The following CACNA1B variants were observed in gnomAD, a reference collection of about 807,000 sequenced individuals.
CACNA1B encodes calcium voltage-gated channel subunit alpha1 B, also known as voltage-dependent N-type calcium channel subunit alpha-1B.
CACNA1B carries 70 observed loss-of-function variants against 247.2 expected under a neutral mutation model. The observed-to-expected ratio is 0.28, with a 90% CI of 0.23 to 0.35. CACNA1B has a LOEUF of 0.35. Ranked by LOEUF, CACNA1B falls within the 10% of genes least tolerant of loss-of-function variation. The pLI, the probability that CACNA1B is intolerant of heterozygous loss-of-function variation, is 1.00. For synonymous variants in CACNA1B, 1,231 were observed against 1,294.4 expected (o/e 0.95, Z 1.05); for missense variants, 2,367 against 3,197.4 (o/e 0.74, Z 6.26).
At chr9:137,901,353 G>A (rs1307031632) in intron 3 of CACNA1B, among the ~76,000 whole-genome samples, 1 of 151,590 alleles carries the variant, frequency 6.6e-6, no homozygotes, top group Non-Finnish European at 1.5e-5. Flanking sequence ...GTGTCCGTGT[G>A]TCTGTGTCTA....
chr9:138,068,161 A>G (rs1364558914), intron 31 of CACNA1B, among the ~76,000 whole-genome samples: 1 of 152,204 alleles, frequency 6.6e-6, no homozygotes, highest in African/African-American at 2.4e-5. Context: ...GGGACAGGCA[A>G]ACATAGAATG....
Position 138,025,834 on chromosome 9 carries a change from C to T in CACNA1B, c.3286+662C>T, listed in dbSNP as rs145695260. On this transcript the variant is annotated intron_variant, in intron 20 of 46. Coordinates refer to ENST00000371372, the MANE Select transcript of CACNA1B (RefSeq NM_000718.4). ...GCTGGTTACAAATACAGGCCCCTTA[C>T]GTGGTGGGGAAGGTGCATGGGCGTT... 1.6e-3 allele frequency among the ~76,000 whole-genome samples: 240 copies of T among 152,274 alleles called. 1 individual carries two copies. Among genetic ancestry groups the T allele is most frequent in the African/African-American group, 5.0e-3 (206 of 41,550 alleles).
At chr9:137,907,213 T>G (rs1418394687) in intron 3 of CACNA1B, among the ~76,000 whole-genome samples, 1 of 152,274 alleles carries the variant, frequency 6.6e-6, no homozygotes, top group Non-Finnish European at 1.5e-5. Context: ...CATGTTAACG[T>G]GCATAGGCTT....
chr9:138,053,993 G>A lies in CACNA1B; in HGVS notation c.3955G>A (p.Glu1319Lys), dbSNP rs768464282. The change falls in exon 26 of 47, where the codon GAG (glutamate) becomes AAG (lysine). Residue 1319 changes from glutamate to lysine, a missense_variant. This residue lies in a region of CACNA1B where 436 missense variants were observed against 679.5 expected (regional missense o/e 0.64). Coordinates refer to ENST00000371372, the MANE Select transcript of CACNA1B (RefSeq NM_000718.4). ...FYCTDESKEL[E>K]RDCRGQYLDY... ...CTGCACAGATGAATCCAAGGAGCTG[G>A]AGAGGGACTGCAGGTAAACTGAGGC... The A allele has an allele frequency of 1.4e-5, 22 of 1,613,844 alleles. No homozygotes were observed. Among genetic ancestry groups the A allele is most frequent in the Non-Finnish European group, 1.9e-5 (22 of 1,179,868 alleles).
chr9:138,047,855 T>G (rs1224149068), intron 23 of CACNA1B, among the ~76,000 whole-genome samples: 1 of 152,108 alleles, frequency 6.6e-6, no homozygotes, highest in Non-Finnish European at 1.5e-5. Flanking sequence ...GTTAGAAGAT[T>G]GTTGGAAGTG....
At chr9:137,912,721 G>A (rs917419358) in intron 3 of CACNA1B, among the ~76,000 whole-genome samples, 22 of 152,112 alleles carry the variant, frequency 1.4e-4, no homozygotes, top group African/African-American at 5.1e-4. Flanking sequence ...TGGTATATGG[G>A]GGTCGGTTCA....
chr9:137,987,335 G>A (rs1005763995), intron 15 of CACNA1B, among the ~76,000 whole-genome samples: 3 of 152,114 alleles, frequency 2.0e-5, no homozygotes, highest in African/African-American at 4.8e-5. Context: ...TCTCTACGAC[G>A]GAGACCTTGT....
In CACNA1B at chr9:138,020,346, T is replaced by C. The variant is rs957161615; in HGVS notation, c.2268-2665T>C. Among the ~76,000 whole-genome samples, 1 of 152,158 alleles carries C rather than the reference T, an allele frequency of 6.6e-6. No homozygotes were observed. The highest frequency in any genetic ancestry group is 1.5e-5 in the Non-Finnish European group (1 of 68,026). The stretch of plus-strand genomic sequence containing the variant: ...GGCCAGGACACAGGGGTGCCAGTCG[T>C]CCATGTGACTTCCTTAAAGAACCCT... On this transcript the variant is annotated intron_variant, in intron 18 of 46. Transcript: ENST00000371372. The surrounding 1 kb of genome is among the most constrained non-coding windows in gnomAD (Gnocchi z 4.1).
chr9:137,989,445 C>T (rs1288746072), intron 15 of CACNA1B, among the ~76,000 whole-genome samples: 1 of 152,072 alleles, frequency 6.6e-6, no homozygotes, highest in Non-Finnish European at 1.5e-5. Context: ...GTGGCCAGTG[C>T]CCCTTCCGAG....
In CACNA1B at chr9:138,011,036, T is replaced by C. The variant is rs1316349877; in HGVS notation, c.2160+959T>C. ...GCTGCAGCCTGAGCCTCCCTTTGCT[T>C]CTGCTCAGCCTTCTTACTCCCACGC... is the stretch of plus-strand genomic sequence containing the variant. On this transcript the variant is annotated intron_variant, in intron 17 of 46. Coordinates refer to ENST00000371372, the MANE Select transcript of CACNA1B (RefSeq NM_000718.4). This position sits in a 1 kb window ranked among gnomAD's most constrained non-coding sequence, Gnocchi z 4.2. 6.6e-6 allele frequency among the ~76,000 whole-genome samples: 1 copy of C among 152,176 alleles called. No individual in the cohort carries two copies. Among genetic ancestry groups the C allele is most frequent in the Non-Finnish European group, 1.5e-5 (1 of 68,028 alleles).
chr9:137,927,607 A>G (rs999637017), intron 6 of CACNA1B, among the ~76,000 whole-genome samples: 1 of 152,152 alleles, frequency 6.6e-6, no homozygotes, highest in Non-Finnish European at 1.5e-5. Context: ...ATCTCGATCT[A>G]TGTGCGTAGC....
At chr9:137,976,075 C>G in intron 12 of CACNA1B, 56 bp downstream of exon 12, 1 of 1,054,392 alleles carries the variant, frequency 9.5e-7, no homozygotes, top group Non-Finnish European at 1.5e-6. Flanking sequence ...CAGGTGCACA[C>G]AGCCCCCTCC....
intron 26 of CACNA1B, among the ~76,000 whole-genome samples, chr9:138,056,873 C>A (rs1959519049): frequency 6.6e-6 from 1 of 151,022 alleles, no homozygotes; most frequent in Non-Finnish European, 1.5e-5. Flanking sequence ...GCTTAATAGC[C>A]ATTTGTATAT....
Position 137,879,081 on chromosome 9 carries a change from C to T in CACNA1B, c.312C>T (p.Thr104=). 6.2e-7 allele frequency: 1 copy of T among 1,612,124 alleles called. No homozygotes were observed. ...WPPFEYMILA[T]IIANCIVLAL... is the part of the protein sequence containing the mutation. ...CATTCGAGTATATGATCCTGGCCAC[C>T]ATCATCGCCAACTGCATCGTGCTGG... Residue 104 remains threonine (T), a synonymous_variant, in exon 2 of 47, where the codon ACC becomes ACT. Coordinates refer to ENST00000371372, the MANE Select transcript of CACNA1B (RefSeq NM_000718.4).
intron 6 of CACNA1B, among the ~76,000 whole-genome samples, chr9:137,947,114 A>C (rs1305569862): frequency 1.3e-5 from 2 of 152,156 alleles, no homozygotes; most frequent in Admixed American, 1.3e-4. Flanking sequence ...GTTACACTCT[A>C]TGTAAATGAA....
At chr9:137,887,933 G>T (rs2133233862) in intron 3 of CACNA1B, among the ~76,000 whole-genome samples, 1 of 147,760 alleles carries the variant, frequency 6.8e-6, no homozygotes, top group South Asian at 2.3e-4. Context: ...GGCAGTCGGG[G>T]TGTAGTGTGT....
intron 20 of CACNA1B, among the ~76,000 whole-genome samples, chr9:138,032,032 TTTC>T (rs1564248507): frequency 2.0e-5 from 3 of 152,158 alleles, no homozygotes. Flanking sequence ...TGTTATTTTA[TTTC>T]TTATTTTGTT....
intron 6 of CACNA1B, among the ~76,000 whole-genome samples, chr9:137,939,734 C>T (rs764579395): frequency 5.3e-5 from 8 of 151,570 alleles, no homozygotes; most frequent in African/African-American, 9.7e-5. Flanking sequence ...ACCCGGGAGG[C>T]GGAGCTTGCA....
intron 3 of CACNA1B, among the ~76,000 whole-genome samples, chr9:137,912,963 G>C (rs1957374086): frequency 6.6e-6 from 1 of 152,116 alleles, no homozygotes; most frequent in African/African-American, 2.4e-5. Flanking sequence ...TCTGGATTCA[G>C]TTCCTGCCTC....
Sources: allele counts gnomAD v4.1 joint callset (sites outside exome capture counted in the v4.1 genomes callset), GRCh38; gene constraint gnomAD v4.1.1; regional missense constraint gnomAD v4.1.1; non-coding constraint Gnocchi (gnomAD v3.1); transcripts MANE v1.5; gene names NCBI Gene and HGNC (gene_info 2026-07-23, HGNC 2026-07-21).